The following CUX2 variants were observed in gnomAD, a reference collection of about 807,000 sequenced individuals.
The protein encoded by CUX2 is homeobox protein cut-like 2.
CUX2 carries 40 observed loss-of-function variants against 144.8 expected under a neutral mutation model. That is an observed-to-expected ratio of 0.28 (90% confidence interval 0.21 to 0.36). The LOEUF is 0.36. Among genes scored for constraint, CUX2 ranks in the 10% least tolerant of loss-of-function variants. The probability of loss-of-function intolerance (pLI) is 1.00; values close to 1 mark genes in which losing one functional copy is unlikely to be tolerated. For missense variants in CUX2, 1,615 were observed against 1,994.0 expected, an observed-to-expected ratio of 0.81 and a Z score of 3.62; for synonymous variants, 827 against 875.6, an observed-to-expected ratio of 0.94 and a Z score of 0.98.
intron 17 of CUX2, among the ~76,000 whole-genome samples, chr12:111,321,684 C>A (rs190137739): frequency 2.0e-5 from 3 of 151,854 alleles, no homozygotes; most frequent in South Asian, 2.1e-4. Context: ...CTCATCCCCC[C>A]AAAAATAAAT....
intron 1 of CUX2, among the ~76,000 whole-genome samples, chr12:111,161,717 C>T (rs1303010375): frequency 3.3e-5 from 5 of 152,062 alleles, no homozygotes; most frequent in Non-Finnish European, 5.9e-5. Flanking sequence ...TGCTGAGTGT[C>T]GCTGGATGCC....
At chr12:111,250,439 G>C (rs1226151349) in intron 3 of CUX2, among the ~76,000 whole-genome samples, 1 of 152,146 alleles carries the variant, frequency 6.6e-6, no homozygotes, top group African/African-American at 2.4e-5. Context: ...GGCTGCCCCT[G>C]GGAGCGTTTG....
rs756425143 is a variant in CUX2 at position 111,334,465 on chromosome 12, C to T, written c.2951C>T (p.Ser984Leu). ...GCCAGTCCCACAGAACCAAGGTCCT[C>T]ACCATCCCCACCCCCCAGCCCCACA... ...SQASPTEPRS[S>L]PSPPPSPTEP... The change falls in exon 19 of 22, where the codon TCA becomes TTA. Residue 984 changes from serine to leucine, a missense_variant. This residue lies in a region of CUX2 where 128 missense variants were observed against 124.4 expected (regional missense o/e 1.03). Coordinates refer to ENST00000261726, the MANE Select transcript of CUX2 (RefSeq NM_015267.4). 32 of 1,606,620 alleles carry T rather than the reference C, an allele frequency of 2.0e-5. No individual in the cohort carries two copies. The highest frequency in any genetic ancestry group is 1.0e-4 in the Admixed American group (6 of 58,806).
chr12:111,253,821 C>CTT (rs35792441), intron 3 of CUX2, among the ~76,000 whole-genome samples: 52 of 141,242 alleles, frequency 3.7e-4, no homozygotes, highest in Non-Finnish European at 6.4e-4. Flanking sequence ...TAGAAACAGC[C>CTT]TTTTTTTTTT....
intron 4 of CUX2, among the ~76,000 whole-genome samples, chr12:111,279,905 C>T (rs1487795971): frequency 1.3e-5 from 2 of 152,180 alleles, no homozygotes; most frequent in African/African-American, 2.4e-5. Context: ...TCACTTGAAC[C>T]CGGGAAGTGG....
intron 1 of CUX2, among the ~76,000 whole-genome samples, chr12:111,148,574 A>G (rs569981237): frequency 1.4e-4 from 21 of 152,354 alleles, no homozygotes; most frequent in African/African-American, 4.6e-4. Context: ...CATTATTACT[A>G]CAGCTACTGC....
In CUX2 at chr12:111,293,397, C is replaced by T. The variant is rs768227584; in HGVS notation, c.437-49C>T. The T allele has an allele frequency of 1.1e-5, 17 of 1,564,864 alleles. No homozygotes were observed. Among genetic ancestry groups the T allele is most frequent in the Non-Finnish European group, 1.5e-5 (17 of 1,156,854 alleles). On this transcript the variant is annotated intron_variant, in intron 5 of 21. Coordinates refer to ENST00000261726, the MANE Select transcript of CUX2 (RefSeq NM_015267.4). The surrounding 1 kb of genome is among the most constrained non-coding windows in gnomAD (Gnocchi z 4.5). The stretch of plus-strand genomic sequence containing the variant: ...GTTTACAGAAAGCGGCTCTGGCTGC[C>T]ACGTTGCTCTCTTGGCAATGGGGGT...
chr12:111,155,239 T>A (rs1877299910), intron 1 of CUX2, among the ~76,000 whole-genome samples: 1 of 152,200 alleles, frequency 6.6e-6, no homozygotes, highest in Non-Finnish European at 1.5e-5. Context: ...GCCTCCATTT[T>A]CCTCATCTGT....
At chr12:111,308,018 A>G (rs1886686112) in intron 12 of CUX2, among the ~76,000 whole-genome samples, 1 of 152,232 alleles carries the variant, frequency 6.6e-6, no homozygotes, top group Non-Finnish European at 1.5e-5. Context: ...TATTATAGGC[A>G]TGGTAACTGG....
rs528996212 is a variant in CUX2 at position 111,181,371 on chromosome 12, G to A, written c.64-32829G>A. Among the ~76,000 whole-genome samples the A allele has an allele frequency of 7.2e-5, 11 of 152,376 alleles. No individual in the cohort carries two copies. In the South Asian group the frequency reaches 2.3e-3, roughly 32 times the overall value. ...GCTGTTTTGATGAAACCCATGAAAA[G>A]CTTTGGCTTGGAGGCGCCGGTAATA... On this transcript the variant is annotated intron_variant, in intron 1 of 21. Transcript: ENST00000261726.
At chr12:111,232,226 T>C (rs970250149) in intron 3 of CUX2, among the ~76,000 whole-genome samples, 2 of 143,722 alleles carry the variant, frequency 1.4e-5, no homozygotes, top group Non-Finnish European at 3.0e-5. Flanking sequence ...TATATATATA[T>C]ACAGGAGGGT....
At chr12:111,230,972 T>C (rs1882436939) in intron 3 of CUX2, among the ~76,000 whole-genome samples, 1 of 152,206 alleles carries the variant, frequency 6.6e-6, no homozygotes, top group Non-Finnish European at 1.5e-5. Context: ...CAGTGGAATG[T>C]AGTCAAATAA....
chr12:111,199,027 T>G (rs1367538004), intron 1 of CUX2, among the ~76,000 whole-genome samples: 1 of 152,102 alleles, frequency 6.6e-6, no homozygotes, highest in Non-Finnish European at 1.5e-5. Flanking sequence ...ACTCACTCCA[T>G]CCACCATGTG....
intron 1 of CUX2, among the ~76,000 whole-genome samples, chr12:111,114,405 TCTCTTCATATATTTTGCCCA>T (rs1874167498): frequency 6.6e-6 from 1 of 152,260 alleles, no homozygotes; most frequent in South Asian, 2.1e-4. Context: ...TAGTGATGCT[TCTCTTCATATATTTTGCCCA>T]TTGTTTAGTT....
At chr12:111,175,341 CTT>C (rs5800922) in intron 1 of CUX2, among the ~76,000 whole-genome samples, 29,901 of 124,208 alleles carry the variant, frequency 0.24, 4,694 homozygotes, top group East Asian at 0.61. Context: ...CCACCCACAC[CTT>C]TTTTTTTTTT....
intron 4 of CUX2, 108 bp from the exon 5 acceptor site, chr12:111,291,310 C>CG: frequency 7.4e-7 from 1 of 1,348,418 alleles, no homozygotes; most frequent in Non-Finnish European, 1.0e-6. Flanking sequence ...TGTAAGCCAG[C>CG]GGGGTGACTC....
At position 111,322,321 on chromosome 12, in the gene CUX2, CAAAAAAAAAAAA is replaced by C. The variant is rs147389725; in HGVS notation, c.2767-88_2767-77del. On this transcript the variant is annotated intron_variant, in intron 17 of 21. Coordinates refer to ENST00000261726, the MANE Select transcript of CUX2 (RefSeq NM_015267.4). This position sits in a 1 kb window ranked among gnomAD's most constrained non-coding sequence, Gnocchi z 4.2. Reference sequence around the variant, plus strand: ...CGACAGACAAAGCGAGACTCTGCCTCAAAAAAAAAAAAAAAAAAAAAAAGGTTGGGGAGGAGA... The same window carrying C: ...CGACAGACAAAGCGAGACTCTGCCTCAAAAAAAAAAAGGTTGGGGAGGAGA... The C allele has an allele frequency of 1.6e-5, 12 of 758,272 alleles. No individual in the cohort carries two copies. The highest frequency in any genetic ancestry group is 2.2e-5 in the South Asian group (1 of 44,496). The allele number at this position is 758,272 out of a possible 1,614,324, so 47.0% of individuals were successfully genotyped here. A position where few individuals can be genotyped will look rare whatever the true frequency, so the allele number is the denominator to read the frequency against.
chr12:111,268,800 T>C (rs1261637909), intron 4 of CUX2, among the ~76,000 whole-genome samples: 1 of 152,192 alleles, frequency 6.6e-6, no homozygotes. Flanking sequence ...ACCCTCTTAT[T>C]TCCCACCCTT....
At chr12:111,229,246 G>C (rs1882338786) in intron 3 of CUX2, among the ~76,000 whole-genome samples, 1 of 152,220 alleles carries the variant, frequency 6.6e-6, no homozygotes, top group Non-Finnish European at 1.5e-5. Flanking sequence ...CAGAGGCAGA[G>C]GGGCTGGACT....
Sources: gnomAD v4.1 joint callset for allele counts (sites outside exome capture counted in the v4.1 genomes callset) on GRCh38, gnomAD v4.1.1 for gene constraint, gnomAD v4.1.1 regional missense constraint, Gnocchi (gnomAD v3.1) non-coding constraint, MANE v1.5 for transcripts, NCBI Gene and HGNC (gene_info 2026-07-23, HGNC 2026-07-21) for gene names.